The following PPP5C variants were observed in gnomAD, a reference collection of about 807,000 sequenced individuals.
The protein encoded by PPP5C is serine/threonine-protein phosphatase 5.
A neutral mutation model predicts 66.7 loss-of-function variants in PPP5C; 21 were observed. The ratio of observed to expected loss-of-function variants is 0.31; its 90% CI spans 0.22 to 0.45. The LOEUF is 0.45. PPP5C is among the 20% of genes least tolerant of loss of function. The pLI is 1.00. For synonymous variants in PPP5C, 246 were observed against 257.4 expected (o/e 0.96, Z 0.43); for missense variants, 464 against 675.9 (o/e 0.69, Z 3.48).
At chr19:46,350,992 C>T (rs148392108) in intron 1 of PPP5C, among the ~76,000 whole-genome samples, 6 of 152,242 alleles carry the variant, frequency 3.9e-5, no homozygotes, top group African/African-American at 1.4e-4. Context: ...GGCAGAGCCT[C>T]GTCCCCCGTC....
chr19:46,390,889 G>A lies in PPP5C; in HGVS notation c.*543G>A, dbSNP rs1199718096. ...GATGGTGGAGCCGAAGGAGCTGCCC[G>A]GGTTGGGTTACGCCTGCTCAGGAGA... On this transcript the variant is annotated 3_prime_UTR_variant, in exon 13 of 13. Coordinates refer to ENST00000012443, the MANE Select transcript of PPP5C (RefSeq NM_006247.4). 10 of 1,151,556 alleles carry A rather than the reference G, an allele frequency of 8.7e-6. No individual in the cohort carries two copies. Among genetic ancestry groups the A allele is most frequent in the South Asian group, 3.6e-5 (2 of 56,044 alleles). 71.3% of individuals were successfully genotyped at this position (1,151,556 alleles called of 1,614,324 possible). A position where few individuals can be genotyped will look rare whatever the true frequency, so the allele number is the denominator to read the frequency against.
chr19:46,390,798 A>C lies in PPP5C; in HGVS notation c.*452A>C. 8.9e-7 allele frequency: 1 copy of C among 1,124,130 alleles called. No homozygotes were observed. Among genetic ancestry groups the C allele is most frequent in the Non-Finnish European group, 1.1e-6 (1 of 907,736 alleles). The allele number at this position is 1,124,130 out of a possible 1,614,324, so 69.6% of individuals were successfully genotyped here. A position where few individuals can be genotyped will look rare whatever the true frequency, so the allele number is the denominator to read the frequency against. On this transcript the variant is annotated 3_prime_UTR_variant, in exon 13 of 13. Coordinates refer to ENST00000012443, the MANE Select transcript of PPP5C (RefSeq NM_006247.4). ...TAGGCTGGGGCTCACCCCCCTCCCCAGCTATTTTATGTCTGTAATTAAATA... is the reference window on the plus strand; with the variant it reads ...TAGGCTGGGGCTCACCCCCCTCCCCCGCTATTTTATGTCTGTAATTAAATA...
chr19:46,389,362 A>AACACACAC lies in PPP5C; in HGVS notation c.1356-597_1356-590dup, dbSNP rs57181889. Among the ~76,000 whole-genome samples the AACACACAC allele has an allele frequency of 6.1e-5, 6 of 98,058 alleles. 1 individual carries two copies. Among genetic ancestry groups the AACACACAC allele is most frequent in the South Asian group, 3.8e-4 (1 of 2,634 alleles). The allele number at this position is 98,058 out of a possible 152,430, so 64.3% of individuals were successfully genotyped here. ...GGGCAAGAGTAAGACTCCATCTCAA[A>AACACACAC]ACACACACACACACACACACACACA... is the stretch of plus-strand genomic sequence containing the variant. On this transcript the variant is annotated intron_variant, in intron 11 of 12. Coordinates refer to ENST00000012443, the MANE Select transcript of PPP5C (RefSeq NM_006247.4).
intron 2 of PPP5C, among the ~76,000 whole-genome samples, chr19:46,363,943 T>C (rs1350693806): frequency 2.6e-5 from 4 of 152,156 alleles, no homozygotes; most frequent in African/African-American, 7.2e-5. Context: ...CCCACAATGC[T>C]TGGGGCTCCA....
At chr19:46,351,306 C>T (rs1972179488) in intron 1 of PPP5C, among the ~76,000 whole-genome samples, 1 of 152,156 alleles carries the variant, frequency 6.6e-6, no homozygotes, top group South Asian at 2.1e-4. Flanking sequence ...GTTTGTAAAG[C>T]GCATAGAACA....
chr19:46,370,803 G>A lies in PPP5C; in HGVS notation c.364-4801G>A, dbSNP rs146605147. Among the ~76,000 whole-genome samples, 766 of 151,990 alleles carry A rather than the reference G, an allele frequency of 5.0e-3. 13 individuals are homozygous for A. Among genetic ancestry groups the A allele is most frequent in the African/African-American group, 0.018 (737 of 41,464 alleles). On this transcript the variant is annotated intron_variant, in intron 2 of 12. Coordinates refer to ENST00000012443, the MANE Select transcript of PPP5C (RefSeq NM_006247.4). ...TCGCCCATGCTGGAGTGCAGTGGCG[G>A]GATCTCGGCTCACTGCAAGCTCCGC...
chr19:46,388,394 T>C lies in PPP5C; in HGVS notation c.1136-14T>C, dbSNP rs1250158178. On this transcript the variant is annotated splice_polypyrimidine_tract_variant and intron_variant, in intron 9 of 12. Transcript: ENST00000012443. The surrounding 1 kb of genome is among the most constrained non-coding windows in gnomAD (Gnocchi z 4.9). ...GGTGGACGAGTCCCTAATGTTTCCC[T>C]CGCTCCCCACCAGGGCCCATGTGTG... 6.2e-7 allele frequency: 1 copy of C among 1,608,140 alleles called. No individual in the cohort carries two copies. Among genetic ancestry groups the C allele is most frequent in the Non-Finnish European group, 8.5e-7 (1 of 1,175,942 alleles).
intron 4 of PPP5C, among the ~76,000 whole-genome samples, chr19:46,380,070 C>T (rs1013016714): frequency 2.0e-5 from 3 of 152,036 alleles, no homozygotes; most frequent in Non-Finnish European, 4.4e-5. Flanking sequence ...TTTCGGAGGC[C>T]GAGGCAGGTG....
At position 46,366,237 on chromosome 19, in the gene PPP5C, A is replaced by C. The variant is rs564369505; in HGVS notation, c.364-9367A>C. On this transcript the variant is annotated intron_variant, in intron 2 of 12. Transcript: ENST00000012443. ...TGACATAACCGAAGAAACTGAGGCA[A>C]AATTAACATAGACAGAGTTTATTTG... Among the ~76,000 whole-genome samples, 4 of 152,208 alleles carry C rather than the reference A, an allele frequency of 2.6e-5. No homozygotes were observed. In the South Asian group the frequency reaches 8.3e-4, roughly 32 times the overall value.
chr19:46,376,158 C>T lies in PPP5C; in HGVS notation c.512-295C>T, dbSNP rs1474824460. ...CAGCTATGAACAAAACCCTTCCTGT[C>T]CACATGGAGCCGATATTCTAGGAGG... On this transcript the variant is annotated intron_variant, in intron 3 of 12. Transcript: ENST00000012443. This position sits in a 1 kb window ranked among gnomAD's most constrained non-coding sequence, Gnocchi z 5.1. Among the ~76,000 whole-genome samples the T allele has an allele frequency of 4.6e-5, 7 of 152,118 alleles. No homozygotes were observed. Among genetic ancestry groups the T allele is most frequent in the Admixed American group, 3.3e-4 (5 of 15,278 alleles).
At position 46,383,910 on chromosome 19, in the gene PPP5C, A is replaced by G. The variant is rs376502320; in HGVS notation, c.798+32A>G. 51 of 1,522,400 alleles carry G rather than the reference A, an allele frequency of 3.3e-5. No individual in the cohort carries two copies. Among genetic ancestry groups the G allele is most frequent in the Non-Finnish European group, 4.5e-5 (50 of 1,099,046 alleles). The allele number at this position is 1,522,400 out of a possible 1,614,324, so 94.3% of individuals were successfully genotyped here. On this transcript the variant is annotated intron_variant, in intron 6 of 12. Coordinates refer to ENST00000012443, the MANE Select transcript of PPP5C (RefSeq NM_006247.4). This position sits in a 1 kb window ranked among gnomAD's most constrained non-coding sequence, Gnocchi z 5.0. ...TTCTCAGCAGAGCCACCCTCTCCCC[A>G]CCTCCACCCCCAGCCGCAGCCTCAG...
intron 2 of PPP5C, among the ~76,000 whole-genome samples, chr19:46,368,402 A>G (rs1393254198): frequency 6.6e-6 from 1 of 152,228 alleles, no homozygotes; most frequent in Non-Finnish European, 1.5e-5. Flanking sequence ...AAGACCCACC[A>G]GAAGCAGTTT....
chr19:46,351,203 C>T (rs1229804399), intron 1 of PPP5C, among the ~76,000 whole-genome samples: 2 of 152,148 alleles, frequency 1.3e-5, no homozygotes, highest in Non-Finnish European at 2.9e-5. Context: ...CCTTTACCTG[C>T]TTGATGACGC....
intron 4 of PPP5C, among the ~76,000 whole-genome samples, chr19:46,379,588 A>G (rs1004648544): frequency 3.3e-5 from 5 of 152,096 alleles, no homozygotes; most frequent in African/African-American, 1.2e-4. Context: ...TCTTTTCTAT[A>G]TGTCCCATTT....
At chr19:46,357,636 G>C (rs958908488) in intron 2 of PPP5C, among the ~76,000 whole-genome samples, 4 of 152,118 alleles carry the variant, frequency 2.6e-5, no homozygotes, top group African/African-American at 7.2e-5. Flanking sequence ...CTATTAATTA[G>C]GGTTTCTGTG....
intron 2 of PPP5C, among the ~76,000 whole-genome samples, chr19:46,355,746 A>G (rs1972274554): frequency 6.6e-6 from 1 of 152,098 alleles, no homozygotes; most frequent in Non-Finnish European, 1.5e-5. Context: ...ATGGTTGAGT[A>G]AAGGTCACGA....
intron 1 of PPP5C, among the ~76,000 whole-genome samples, chr19:46,353,364 C>T (rs1972224497): frequency 6.6e-6 from 1 of 152,160 alleles, no homozygotes; most frequent in South Asian, 2.1e-4. Context: ...AGCCTCCCTG[C>T]CTCATCTCTC....
At chr19:46,359,146 G>T (rs1008424255) in intron 2 of PPP5C, among the ~76,000 whole-genome samples, 1 of 152,234 alleles carries the variant, frequency 6.6e-6, no homozygotes, top group Admixed American at 6.5e-5. Flanking sequence ...TCTATGTTGG[G>T]GAGGGGGAAG....
intron 2 of PPP5C, among the ~76,000 whole-genome samples, chr19:46,363,190 C>T (rs1972423427): frequency 7.1e-6 from 1 of 140,040 alleles, no homozygotes; most frequent in Non-Finnish European, 1.6e-5. Flanking sequence ...CGCCTGTAGT[C>T]CCAGCTACTT....
Sources: allele counts gnomAD v4.1 joint callset (sites outside exome capture counted in the v4.1 genomes callset), GRCh38; gene constraint gnomAD v4.1.1; non-coding constraint Gnocchi (gnomAD v3.1); transcripts MANE v1.5; gene names NCBI Gene and HGNC (gene_info 2026-07-23, HGNC 2026-07-21).